KCNC2: variants seen among roughly 807,000 people sequenced by gnomAD.
The protein encoded by KCNC2 is potassium voltage-gated channel subfamily C member 2.
KCNC2 carries 21 observed loss-of-function variants against 44.5 expected under a neutral mutation model. That is an observed-to-expected ratio of 0.47 (90% CI 0.33 to 0.68). KCNC2 has a LOEUF of 0.68. Among genes scored for constraint, KCNC2 ranks in the 30% least tolerant of loss-of-function variants. The pLI is 0.01. For synonymous variants in KCNC2, 391 were observed against 339.1 expected (o/e 1.15, Z -1.68); for missense variants, 589 against 826.2 (o/e 0.71, Z 3.52).
At chr12:75,128,294 G>C (rs1163587642) in intron 2 of KCNC2, among the ~76,000 whole-genome samples, 1 of 152,090 alleles carries the variant, frequency 6.6e-6, no homozygotes, top group Non-Finnish European at 1.5e-5. Flanking sequence ...TACCAGGAAA[G>C]AGCAAGAAGT....
intron 2 of KCNC2, among the ~76,000 whole-genome samples, chr12:75,183,098 G>A (rs950247760): frequency 6.6e-6 from 1 of 152,206 alleles, no homozygotes; most frequent in African/African-American, 2.4e-5. Flanking sequence ...GCTGAGAAGA[G>A]CTCAAAAGGT....
chr12:75,127,126 A>T (rs11834361), intron 2 of KCNC2, among the ~76,000 whole-genome samples: 1 of 152,048 alleles, frequency 6.6e-6, no homozygotes, highest in African/African-American at 2.4e-5. Flanking sequence ...TGGGAACTCA[A>T]GGTGGAAATA....
At chr12:75,169,979 A>G (rs568816457) in intron 2 of KCNC2, among the ~76,000 whole-genome samples, 4 of 151,842 alleles carry the variant, frequency 2.6e-5, no homozygotes, top group Admixed American at 2.0e-4. Flanking sequence ...ATTAGCAATA[A>G]AATTTGAAAA....
intron 2 of KCNC2, among the ~76,000 whole-genome samples, chr12:75,177,829 G>T (rs1327741921): frequency 6.6e-6 from 1 of 151,928 alleles, no homozygotes; most frequent in African/African-American, 2.4e-5. Flanking sequence ...TTGTATGTGG[G>T]TTGGGATGAG....
At position 75,207,916 on chromosome 12, in the gene KCNC2, C is replaced by T; in HGVS notation, c.68G>A (p.Arg23His). The T allele has an allele frequency of 1.2e-6, 2 of 1,612,750 alleles. No homozygotes were observed. The highest frequency in any genetic ancestry group is 1.7e-6 in the Non-Finnish European group (2 of 1,179,906). The change falls in exon 2 of 5, where the codon CGC (arginine) becomes CAC (histidine). Residue 23 changes from arginine to histidine, a missense_variant. By Grantham distance (29) the Arg-to-His change is conservative (BLOSUM62 0). Transcript: ENST00000549446. The surrounding 1 kb of genome is among the most constrained non-coding windows in gnomAD (Gnocchi z 4.1). ...NVGGTRHETY[R>H]STLKTLPGTR... is the part of the protein sequence containing the mutation. ...TCCAGGCAGGGTCTTGAGGGTGCTG[C>T]GGTAGGTTTCGTGCCGGGTGCCCCC...
intron 2 of KCNC2, 89 bp from the exon 3 acceptor site, chr12:75,051,406 T>TA (rs1881158329): frequency 9.4e-6 from 7 of 742,478 alleles, no homozygotes; most frequent in Non-Finnish European, 1.3e-5. Flanking sequence ...TCCCTGTAAA[T>TA]AAAAAAGAAT....
intron 2 of KCNC2, among the ~76,000 whole-genome samples, chr12:75,175,943 A>T (rs1892153716): frequency 6.6e-6 from 1 of 152,100 alleles, no homozygotes; most frequent in Non-Finnish European, 1.5e-5. Context: ...GAACATACTT[A>T]TCCTAAAAAA....
At position 75,042,605 on chromosome 12, in the gene KCNC2, CCA is replaced by C; in HGVS notation, c.*498_*499del. ...TGCAAGTACACATATCCTGAGCTAT[CCA>C]CAGTCCCCGAACTCTGCAACATTGC... On this transcript the variant is annotated 3_prime_UTR_variant, in exon 5 of 5. Coordinates refer to ENST00000549446, the MANE Select transcript of KCNC2 (RefSeq NM_139137.4). 7.6e-7 allele frequency: 1 copy of C among 1,318,790 alleles called. No individual in the cohort carries two copies. Among genetic ancestry groups the C allele is most frequent in the Non-Finnish European group, 9.7e-7 (1 of 1,034,214 alleles). 81.7% of individuals were successfully genotyped at this position (1,318,790 alleles called of 1,614,324 possible).
intron 2 of KCNC2, among the ~76,000 whole-genome samples, chr12:75,088,392 G>A (rs141367001): frequency 2.6e-5 from 4 of 152,152 alleles, no homozygotes; most frequent in African/African-American, 9.6e-5. Flanking sequence ...CTATTAGTAT[G>A]TTGTACAAAC....
At chr12:75,133,756 T>C (rs1481462706) in intron 2 of KCNC2, among the ~76,000 whole-genome samples, 1 of 152,048 alleles carries the variant, frequency 6.6e-6, no homozygotes, top group Admixed American at 6.6e-5. Flanking sequence ...ATGCAATATA[T>C]GTAATTCATT....
At chr12:75,059,526 A>C (rs1882097975) in intron 2 of KCNC2, among the ~76,000 whole-genome samples, 1 of 151,918 alleles carries the variant, frequency 6.6e-6, no homozygotes, top group Non-Finnish European at 1.5e-5. Flanking sequence ...AAACAGTGCC[A>C]CTCTTCTAAT....
intron 2 of KCNC2, among the ~76,000 whole-genome samples, chr12:75,073,635 T>A (rs1883632146): frequency 1.3e-5 from 2 of 152,320 alleles, no homozygotes; most frequent in African/African-American, 4.8e-5. Flanking sequence ...GAATTATTCA[T>A]ATAAACTATG....
chr12:75,208,261 C>T (rs1310979439), intron 1 of KCNC2, among the ~76,000 whole-genome samples: 2 of 152,098 alleles, frequency 1.3e-5, no homozygotes, highest in South Asian at 2.1e-4. Context: ...TCCCTGCCTC[C>T]CGCTTTCCTT....
At chr12:75,098,694 G>A (rs1162776632) in intron 2 of KCNC2, among the ~76,000 whole-genome samples, 9 of 151,998 alleles carry the variant, frequency 5.9e-5, no homozygotes, top group Non-Finnish European at 1.0e-4. Flanking sequence ...AGGAGGCAGA[G>A]GCTGCAGTGA....
intron 2 of KCNC2, among the ~76,000 whole-genome samples, chr12:75,077,874 C>G (rs1884141262): frequency 6.6e-6 from 1 of 152,010 alleles, no homozygotes; most frequent in African/African-American, 2.4e-5. Flanking sequence ...AGTAGAAACA[C>G]ATGGTATACA....
At position 75,181,916 on chromosome 12, in the gene KCNC2, C is replaced by CTT. The variant is rs61089425; in HGVS notation, c.687+25379_687+25380dup. 5.9e-3 allele frequency among the ~76,000 whole-genome samples: 284 copies of CTT among 47,868 alleles called. 98 individuals carry two copies. The highest frequency in any genetic ancestry group is 0.015 in the East Asian group (15 of 1,014). 31.4% of individuals were successfully genotyped at this position (47,868 alleles called of 152,430 possible). A position where few individuals can be genotyped will look rare whatever the true frequency, so the allele number is the denominator to read the frequency against. ...AAACATTATTACTATTAATATCTTC[C>CTT]TTTTTTTTTTTTTTTTTTTTTTTTT... On this transcript the variant is annotated intron_variant, in intron 2 of 4. Coordinates refer to ENST00000549446, the MANE Select transcript of KCNC2 (RefSeq NM_139137.4).
chr12:75,069,542 C>T (rs1034791953), intron 2 of KCNC2, among the ~76,000 whole-genome samples: 5 of 152,132 alleles, frequency 3.3e-5, no homozygotes, highest in Non-Finnish European at 5.9e-5. Context: ...CGATATGGCT[C>T]TTACAGAATC....
intron 2 of KCNC2, among the ~76,000 whole-genome samples, chr12:75,172,209 CA>C (rs1189005746): frequency 1.3e-5 from 2 of 151,752 alleles, no homozygotes; most frequent in Admixed American, 1.3e-4. Context: ...TTATCCTCAG[CA>C]AACCAACGCA....
intron 2 of KCNC2, among the ~76,000 whole-genome samples, chr12:75,161,067 A>G (rs1891091924): frequency 6.6e-6 from 1 of 151,330 alleles, no homozygotes; most frequent in Non-Finnish European, 1.5e-5. Context: ...TATTTGGTTT[A>G]ATTAGCCCAT....
Sources: allele counts gnomAD v4.1 joint callset (sites outside exome capture counted in the v4.1 genomes callset), GRCh38; gene constraint gnomAD v4.1.1; non-coding constraint Gnocchi (gnomAD v3.1); transcripts MANE v1.5; gene names NCBI Gene and HGNC (gene_info 2026-07-23, HGNC 2026-07-21).